The following ANGPT2 variants were observed in gnomAD, a reference collection of about 807,000 sequenced individuals.
The protein encoded by ANGPT2 is angiopoietin 2.
Under a neutral mutation model 62.9 loss-of-function variants are expected in ANGPT2, and 28 were observed. That is an observed-to-expected ratio of 0.44 (90% CI 0.33 to 0.61). The LOEUF is 0.61. ANGPT2 is among the 20% of genes least tolerant of loss of function. ANGPT2 has a pLI of 0.03. For missense variants in ANGPT2, 727 were observed against 594.9 expected (o/e 1.22, Z -2.31); for synonymous variants, 284 against 207.8 (o/e 1.37, Z -3.15).
chr8:6,542,622 A>G (rs143842764), intron 1 of ANGPT2, among the ~76,000 whole-genome samples: 1 of 149,802 alleles, frequency 6.7e-6, no homozygotes, highest in African/African-American at 2.4e-5. Flanking sequence ...GTGCTGTCTG[A>G]GGAGCATTAA....
At chr8:6,506,642 G>T (rs1813784157) in intron 8 of ANGPT2, among the ~76,000 whole-genome samples, 1 of 152,048 alleles carries the variant, frequency 6.6e-6, no homozygotes, top group Non-Finnish European at 1.5e-5. Context: ...AAGGATGATT[G>T]TGCCAGGATG....
In ANGPT2 at chr8:6,527,431, G is replaced by A. The variant is rs57630495; in HGVS notation, c.566+124C>T. The A allele has an allele frequency of 2.2e-3, 2,649 of 1,189,872 alleles. 55 individuals are homozygous for A. In the South Asian group the frequency reaches 0.029, roughly 13 times the overall value. 73.7% of individuals were successfully genotyped at this position (1,189,872 alleles called of 1,614,324 possible). ...CCCTCTCCCTTCTCCTCCCTCATGA[G>A]GTTTCTGACCCTTACACTAGACATG... On this transcript the variant is annotated intron_variant, in intron 3 of 8. Transcript: ENST00000629816.
At chr8:6,521,529 A>G (rs1817336131) in intron 3 of ANGPT2, 119 bp from the exon 4 acceptor site, 1 of 753,052 alleles carries the variant, frequency 1.3e-6, no homozygotes, top group African/African-American at 1.8e-5. Flanking sequence ...ATAAAGTAAT[A>G]TGATGTTACC....
intron 4 of ANGPT2, 26 bp downstream of exon 4, chr8:6,521,152 G>A (rs1817257216): frequency 6.3e-7 from 1 of 1,592,276 alleles, no homozygotes; most frequent in Non-Finnish European, 8.6e-7. Context: ...TATTAACGCT[G>A]AAGAAAGCAT....
chr8:6,562,912 G>A lies in ANGPT2; in HGVS notation c.23C>T (p.Thr8Ile). 1 of 1,594,470 alleles carries A rather than the reference G, an allele frequency of 6.3e-7. No homozygotes were observed. Among genetic ancestry groups the A allele is most frequent in the African/African-American group, 1.3e-5 (1 of 74,686 alleles). The stretch of plus-strand genomic sequence containing the variant: ...GGCCAAGACAAGATCACAGCTCAGA[G>A]TAAAGAAAACAATCTGCCACATTCT... MWQIVFF[T>I]LSCDLVLAAA... The change falls in exon 1 of 9, where the codon ACT becomes ATT. Residue 8 changes from threonine to isoleucine, a missense_variant. Coordinates refer to ENST00000629816, the MANE Select transcript of ANGPT2 (RefSeq NM_001118887.2).
At chr8:6,526,009 C>G (rs1454507798) in intron 3 of ANGPT2, among the ~76,000 whole-genome samples, 1 of 152,006 alleles carries the variant, frequency 6.6e-6, no homozygotes, top group Admixed American at 6.6e-5. Flanking sequence ...CTGGACATAT[C>G]CTAGGTTTGT....
chr8:6,507,511 G>A (rs1363142432), intron 8 of ANGPT2: 2 of 149,418 alleles, frequency 1.3e-5, no homozygotes, highest in East Asian at 2.0e-4. Flanking sequence ...ACTAAGTAGC[G>A]TTTGTTCCTG....
At position 6,519,923 on chromosome 8, in the gene ANGPT2, C is replaced by G. The variant is rs772416353; in HGVS notation, c.868G>C (p.Gly290Arg). Residue 290 changes from glycine (G) to arginine (R), a missense_variant, in exon 5 of 9, where the codon GGA becomes CGA. Transcript: ENST00000629816. ...GTGTAGATGCCATTCGTGGTGTGTCCTGATTTGAATACTTCAGCACAGTCT... is the reference window on the plus strand; with the variant it reads ...GTGTAGATGCCATTCGTGGTGTGTCGTGATTTGAATACTTCAGCACAGTCT... ...FRDCAEVFKSGHTTNGIYTLT... is the reference protein window; with the variant it reads ...FRDCAEVFKSRHTTNGIYTLT... 2 of 1,613,884 alleles carry G rather than the reference C, an allele frequency of 1.2e-6. No homozygotes were observed. The highest frequency in any genetic ancestry group is 1.1e-5 in the South Asian group (1 of 91,012).
Position 6,502,501 on chromosome 8 carries a change from T to A in ANGPT2, c.*600A>T, listed in dbSNP as rs1255144401. ...GCTGTCAACATAAATGTAAATACGC[T>A]GTTTTTGAAATAAAAATTTAAAGCA... On this transcript the variant is annotated 3_prime_UTR_variant, in exon 9 of 9. Transcript: ENST00000629816. 6.6e-6 allele frequency: 1 copy of A among 152,250 alleles called. No individual in the cohort carries two copies. Among genetic ancestry groups the A allele is most frequent in the East Asian group, 1.9e-4 (1 of 5,198 alleles). 9.4% of individuals were successfully genotyped at this position (152,250 alleles called of 1,614,324 possible). A position where few individuals can be genotyped will look rare whatever the true frequency, so the allele number is the denominator to read the frequency against.
intron 7 of ANGPT2, among the ~76,000 whole-genome samples, chr8:6,513,259 G>A (rs1000767989): frequency 6.4e-4 from 97 of 151,938 alleles, no homozygotes; most frequent in Non-Finnish European, 1.2e-4. Flanking sequence ...TTAGATCTTG[G>A]TTAAATCATT....
chr8:6,550,782 C>T (rs1823510795), intron 1 of ANGPT2, among the ~76,000 whole-genome samples: 1 of 152,186 alleles, frequency 6.6e-6, no homozygotes, highest in Non-Finnish European at 1.5e-5. Context: ...GAGTTTCTTA[C>T]CCATATAGGA....
In ANGPT2 at chr8:6,503,051, T is replaced by C; in HGVS notation, c.*50A>G. 2.5e-6 allele frequency: 4 copies of C among 1,607,698 alleles called. No individual in the cohort carries two copies. The highest frequency in any genetic ancestry group is 1.3e-5 in the African/African-American group (1 of 74,950). The stretch of plus-strand genomic sequence containing the variant: ...AGCCGTGACTTTCAGTGCACTGGGC[T>C]TAAGTCTTTGAAAATAGTTCGAGAC... On this transcript the variant is annotated 3_prime_UTR_variant, in exon 9 of 9. Coordinates refer to ENST00000629816, the MANE Select transcript of ANGPT2 (RefSeq NM_001118887.2).
At chr8:6,543,943 A>T (rs1445502393) in intron 1 of ANGPT2, among the ~76,000 whole-genome samples, 1 of 152,232 alleles carries the variant, frequency 6.6e-6, no homozygotes, top group Non-Finnish European at 1.5e-5. Context: ...TAACGGGGCT[A>T]TGTTTTGCAC....
intron 3 of ANGPT2, among the ~76,000 whole-genome samples, chr8:6,523,520 G>A (rs553609021): frequency 3.9e-5 from 6 of 152,164 alleles, no homozygotes; most frequent in Non-Finnish European, 7.4e-5. Flanking sequence ...ATGTATTTGA[G>A]AATGTTAACT....
intron 1 of ANGPT2, among the ~76,000 whole-genome samples, chr8:6,549,848 G>C (rs141696956): frequency 6.5e-4 from 99 of 152,308 alleles, no homozygotes; most frequent in African/African-American, 2.1e-3. Flanking sequence ...CTCAAGATTT[G>C]TGAATTTTAT....
Position 6,509,035 on chromosome 8 carries a change from T to A in ANGPT2, c.1224A>T (p.Thr408=). The change falls in exon 8 of 9, where the codon ACA becomes ACT. Residue 408 remains threonine, a synonymous_variant. Transcript: ENST00000629816. ...GGCTGATGCTGCTTATTTTGCCGGC[T>A]GTCCCTGTAAGTCCTTTAAGGTGAA... The part of the protein sequence containing the change: ...YRIHLKGLTG[T]AGKISSISQP... 1.2e-6 allele frequency: 2 copies of A among 1,614,146 alleles called. No homozygotes were observed. The highest frequency in any genetic ancestry group is 2.7e-5 in the African/African-American group (2 of 75,054).
chr8:6,553,416 C>T (rs147506705), intron 1 of ANGPT2, among the ~76,000 whole-genome samples: 8 of 152,282 alleles, frequency 5.3e-5, no homozygotes, highest in Non-Finnish European at 5.9e-5. Context: ...GTTAAAAGTA[C>T]ACTAGCACAC....
At chr8:6,559,154 C>G (rs945553908) in intron 1 of ANGPT2, among the ~76,000 whole-genome samples, 2 of 151,978 alleles carry the variant, frequency 1.3e-5, no homozygotes, top group South Asian at 2.1e-4. Flanking sequence ...TTTCTTTCCT[C>G]TAATGAACCA....
At chr8:6,506,826 TG>T (rs1813821147) in intron 8 of ANGPT2, among the ~76,000 whole-genome samples, 1 of 151,880 alleles carries the variant, frequency 6.6e-6, no homozygotes, top group South Asian at 2.1e-4. Context: ...ATAAAAGGCA[TG>T]AAATTTAAAG....
Sources: allele counts gnomAD v4.1 joint callset (sites outside exome capture counted in the v4.1 genomes callset), GRCh38; gene constraint gnomAD v4.1.1; transcripts MANE v1.5; gene names NCBI Gene and HGNC (gene_info 2026-07-23, HGNC 2026-07-21).